Variants in GPC6 observed in about 807,000 individuals in gnomAD.
GPC6 encodes the protein glypican 6.
A neutral mutation model predicts 55.2 loss-of-function variants in GPC6; 14 were observed. The observed-to-expected ratio is 0.25, with a 90% CI of 0.17 to 0.40. The LOEUF (loss-of-function observed/expected upper bound fraction) is 0.40. Ranked by LOEUF, GPC6 falls within the 10% of genes least tolerant of loss-of-function variation. The probability of loss-of-function intolerance (pLI) is 1.00; values close to 1 mark genes in which losing one functional copy is unlikely to be tolerated. For missense variants in GPC6, 641 were observed against 708.5 expected (o/e 0.90, Z 1.08); for synonymous variants, 278 against 259.6 (o/e 1.07, Z -0.68).
intron 1 of GPC6, among the ~76,000 whole-genome samples, chr13:93,352,498 G>A (rs910276194): frequency 3.3e-5 from 5 of 152,046 alleles, no homozygotes; most frequent in African/African-American, 1.2e-4. Flanking sequence ...GAATTTTGTT[G>A]TGCAAATTGG....
intron 3 of GPC6, among the ~76,000 whole-genome samples, chr13:93,849,067 G>T (rs1340946901): frequency 6.6e-6 from 1 of 152,030 alleles, no homozygotes. Context: ...TTCCCAACCT[G>T]AAATTGTAAA....
intron 3 of GPC6, among the ~76,000 whole-genome samples, chr13:94,001,217 A>G (rs1021461815): frequency 6.6e-6 from 1 of 152,164 alleles, no homozygotes; most frequent in East Asian, 1.9e-4. Flanking sequence ...TTTCTCAGAC[A>G]TTACTATGAG....
intron 1 of GPC6, among the ~76,000 whole-genome samples, chr13:93,267,364 C>T (rs924405063): frequency 6.6e-6 from 1 of 151,292 alleles, no homozygotes; most frequent in African/African-American, 2.4e-5. Flanking sequence ...TCTCTTGGAT[C>T]ACTCATTCAT....
At chr13:94,067,504 G>C (rs9516338) in intron 4 of GPC6, among the ~76,000 whole-genome samples, 17,038 of 149,814 alleles carry the variant, frequency 0.11, 1,246 homozygotes, top group East Asian at 0.29. Context: ...CTCTCTCTCT[G>C]TGTCTATGTA....
Position 93,565,268 on chromosome 13 carries a change from T to C in GPC6, c.319+19847T>C, listed in dbSNP as rs150760677. ...ATTCTGTAATTTTCGACTTCAATTATGTACCTGCTCCACCTCAGCAGGTGT... is the reference window on the plus strand; with the variant it reads ...ATTCTGTAATTTTCGACTTCAATTACGTACCTGCTCCACCTCAGCAGGTGT... On this transcript the variant is annotated intron_variant, in intron 2 of 8. Transcript: ENST00000377047. Among the ~76,000 whole-genome samples the C allele has an allele frequency of 5.0e-3, 764 of 152,298 alleles. 9 individuals are homozygous for C. The highest frequency in any genetic ancestry group is 0.017 in the African/African-American group (707 of 41,546).
intron 6 of GPC6, among the ~76,000 whole-genome samples, chr13:94,329,840 T>C (rs1877319213): frequency 6.6e-6 from 1 of 151,900 alleles, no homozygotes; most frequent in Non-Finnish European, 1.5e-5. Context: ...AATCCCTGGG[T>C]CAGAAATTTT....
upstream of GPC6, among the ~76,000 whole-genome samples, chr13:93,222,464 T>G (rs1875650079): frequency 6.6e-6 from 1 of 152,164 alleles, no homozygotes; most frequent in Non-Finnish European, 1.5e-5. Flanking sequence ...TCCATATTCT[T>G]TCCACCTACT....
At chr13:93,596,678 A>G (rs1877754968) in intron 2 of GPC6, among the ~76,000 whole-genome samples, 1 of 147,310 alleles carries the variant, frequency 6.8e-6, no homozygotes, top group African/African-American at 2.5e-5. Context: ...GTATACACTT[A>G]TATAAGTGTG....
At chr13:94,211,937 C>T (rs1890090980) in intron 4 of GPC6, among the ~76,000 whole-genome samples, 1 of 152,142 alleles carries the variant, frequency 6.6e-6, no homozygotes, top group Non-Finnish European at 1.5e-5. Context: ...AGGAGATGTG[C>T]ACAAATTCTT....
chr13:94,176,597 C>T (rs1888783127), intron 4 of GPC6, among the ~76,000 whole-genome samples: 1 of 152,114 alleles, frequency 6.6e-6, no homozygotes, highest in Admixed American at 6.5e-5. Context: ...TTTTAAATGC[C>T]TGGCAGATAC....
At position 93,227,555 on chromosome 13, in the gene GPC6, C is replaced by G. The variant is rs1875838918; in HGVS notation, c.99C>G (p.Val33=). Residue 33 remains valine, a synonymous_variant, in exon 1 of 9, where the codon GTC becomes GTG. Transcript: ENST00000377047. This position sits in a 1 kb window ranked among gnomAD's most constrained non-coding sequence, Gnocchi z 4.3. ...TGAAGGCTCGGAGCTGCGGAGAGGTCCGCCAGGCGTACGGTGCCAAGGGAT... is the reference window on the plus strand; with the variant it reads ...TGAAGGCTCGGAGCTGCGGAGAGGTGCGCCAGGCGTACGGTGCCAAGGGAT... ...ADVKARSCGE[V]RQAYGAKGFS... is the part of the protein sequence containing the mutation. 6.2e-7 allele frequency: 1 copy of G among 1,612,934 alleles called. No individual in the cohort carries two copies. Among genetic ancestry groups the G allele is most frequent in the Non-Finnish European group, 8.5e-7 (1 of 1,179,398 alleles).
At chr13:93,959,303 C>T (rs1879659824) in intron 3 of GPC6, among the ~76,000 whole-genome samples, 1 of 152,016 alleles carries the variant, frequency 6.6e-6, no homozygotes, top group Admixed American at 6.6e-5. Context: ...GCTGGGATTA[C>T]AGGCATGCGC....
chr13:93,248,711 C>T (rs1040032629), intron 1 of GPC6, among the ~76,000 whole-genome samples: 1 of 152,176 alleles, frequency 6.6e-6, no homozygotes, highest in African/African-American at 2.4e-5. Flanking sequence ...GAAGGTGCCA[C>T]GGATGCCCAG....
chr13:94,038,474 G>A (rs1469746700), intron 4 of GPC6, among the ~76,000 whole-genome samples: 1 of 151,820 alleles, frequency 6.6e-6, no homozygotes, highest in Non-Finnish European at 1.5e-5. Context: ...TTTCAAAGTG[G>A]GCTTTGGTTA....
At chr13:94,345,411 C>T (rs1050799623) in intron 6 of GPC6, among the ~76,000 whole-genome samples, 1 of 152,094 alleles carries the variant, frequency 6.6e-6, no homozygotes, top group Non-Finnish European at 1.5e-5. Flanking sequence ...TAGCAAGCTC[C>T]CTCTGAGTAC....
At chr13:94,219,315 C>A (rs1387267998) in intron 4 of GPC6, among the ~76,000 whole-genome samples, 2 of 152,164 alleles carry the variant, frequency 1.3e-5, no homozygotes, top group African/African-American at 2.4e-5. Flanking sequence ...AAGGGCCTGT[C>A]CCTGGGCCCT....
chr13:93,228,581 A>G (rs954388524), intron 1 of GPC6, among the ~76,000 whole-genome samples: 6 of 152,112 alleles, frequency 3.9e-5, no homozygotes. Flanking sequence ...CTTAGCTCCA[A>G]CCGAATCCGA....
rs746908216 is a variant in GPC6, at chr13:94,382,521, G to A, written c.1260G>A (p.Glu420=). 6.2e-7 allele frequency: 1 copy of A among 1,614,212 alleles called. No homozygotes were observed. The highest frequency in any genetic ancestry group is 8.5e-7 in the Non-Finnish European group (1 of 1,180,048). ...TGACAGCGGGCACGTCCAACGAGGA[G>A]GAATGCTGGAACGGGCACAGCAAAG... The part of the protein sequence containing the change: ...ESVTAGTSNE[E]ECWNGHSKAR... Residue 420 remains glutamate (E), a synonymous_variant, in exon 7 of 9, where the codon GAG becomes GAA. Coordinates refer to ENST00000377047, the MANE Select transcript of GPC6 (RefSeq NM_005708.5).
At chr13:93,292,226 C>T (rs1325616186) in intron 1 of GPC6, among the ~76,000 whole-genome samples, 1 of 152,206 alleles carries the variant, frequency 6.6e-6, no homozygotes, top group African/African-American at 2.4e-5. Context: ...TGAGATGTCA[C>T]GTGCCCTTAA....
Sources: allele counts gnomAD v4.1 joint callset (sites outside exome capture counted in the v4.1 genomes callset), GRCh38; gene constraint gnomAD v4.1.1; non-coding constraint Gnocchi (gnomAD v3.1); transcripts MANE v1.5; gene names NCBI Gene and HGNC (gene_info 2026-07-23, HGNC 2026-07-21).